ASPG: variants seen among roughly 807,000 people sequenced by gnomAD.
ASPG encodes the protein 60 kDa lysophospholipase.
In ASPG, 53 loss-of-function variants were observed where a neutral mutation model predicts 63.2. The ratio of observed to expected loss-of-function variants is 0.84; its 90% CI spans 0.67 to 1.05. The LOEUF is 1.05. Among genes scored for constraint, ASPG ranks in the 50% least tolerant of loss-of-function variants. The pLI is 0.00. For synonymous variants in ASPG, 370 were observed against 355.0 expected (o/e 1.04, Z -0.48); for missense variants, 741 against 794.4 (o/e 0.93, Z 0.81).
intron 14 of ASPG, 49 bp from the exon 15 acceptor site, chr14:104,111,871 C>A: frequency 6.6e-7 from 1 of 1,517,904 alleles, no homozygotes; most frequent in Admixed American, 2.0e-5. Context: ...TTGGGCCAGG[C>A]TGCTAGTCAG....
rs2037418958 is a variant in ASPG at position 104,112,869 on chromosome 14, TG to T, written c.*327del. ...TGTGAGCTGGGCAGGGTGGGGTGCA[TG>T]GACGTGACTTGGCCAAGTGGTCCTT... On this transcript the variant is annotated 3_prime_UTR_variant, in exon 16 of 16. Coordinates refer to ENST00000551177, the MANE Select transcript of ASPG (RefSeq NM_001080464.3). The T allele has an allele frequency of 2.3e-6, 1 of 436,720 alleles. No individual in the cohort carries two copies. The highest frequency in any genetic ancestry group is 2.0e-5 in the African/African-American group (1 of 49,868). 27.1% of individuals were successfully genotyped at this position (436,720 alleles called of 1,614,324 possible).
rs949965223 is a variant in ASPG at position 104,110,832 on chromosome 14, C to A, written c.1521-670C>A. 2.0e-6 allele frequency: 2 copies of A among 985,192 alleles called. No homozygotes were observed. Among genetic ancestry groups the A allele is most frequent in the African/African-American group, 1.7e-5 (1 of 57,172 alleles). 61.0% of individuals were successfully genotyped at this position (985,192 alleles called of 1,614,324 possible). A position where few individuals can be genotyped will look rare whatever the true frequency, so the allele number is the denominator to read the frequency against. ...GCCTGCTCCTGGCCTCCCCAGGTGG[C>A]GAGTGAGTTCTTCCCAGGAGGGTGG... On this transcript the variant is annotated intron_variant, in intron 13 of 15. Transcript: ENST00000551177. This position sits in a 1 kb window ranked among gnomAD's most constrained non-coding sequence, Gnocchi z 4.7.
intron 1 of ASPG, among the ~76,000 whole-genome samples, chr14:104,089,116 G>T (rs1612493): frequency 0.26 from 40,064 of 151,836 alleles, 6,543 homozygotes; most frequent in African/African-American, 0.44. Flanking sequence ...TGCCTCCCGG[G>T]TTCACACCAT....
At chr14:104,087,723 A>G (rs762639692) in intron 1 of ASPG, among the ~76,000 whole-genome samples, 15 of 152,118 alleles carry the variant, frequency 9.9e-5, no homozygotes, top group Non-Finnish European at 2.1e-4. Context: ...CTCAACATGT[A>G]GTTCTTGAGT....
chr14:104,099,606 T>G (rs1016158011), intron 6 of ASPG, among the ~76,000 whole-genome samples: 8 of 152,212 alleles, frequency 5.3e-5, no homozygotes, highest in African/African-American at 1.9e-4. Context: ...GGTGTGCTCC[T>G]GCTGAGGGAG....
Position 104,112,709 on chromosome 14 carries a change from A to T in ASPG, c.*165A>T. 1 of 1,474,852 alleles carries T rather than the reference A, an allele frequency of 6.8e-7. No homozygotes were observed. The highest frequency in any genetic ancestry group is 2.0e-5 in the Admixed American group (1 of 50,110). The allele number at this position is 1,474,852 out of a possible 1,614,324, so 91.4% of individuals were successfully genotyped here. A position where few individuals can be genotyped will look rare whatever the true frequency, so the allele number is the denominator to read the frequency against. On this transcript the variant is annotated 3_prime_UTR_variant, in exon 16 of 16. Coordinates refer to ENST00000551177, the MANE Select transcript of ASPG (RefSeq NM_001080464.3). ...GCAATAAAGTCTCTGACATCCCCTCACCAGGTCTGTACAGCCTGGCTCTGA... is the reference window on the plus strand; with the variant it reads ...GCAATAAAGTCTCTGACATCCCCTCTCCAGGTCTGTACAGCCTGGCTCTGA...
Position 104,113,219 on chromosome 14 carries a change from GAGCCCC to G in ASPG, c.*676_*681del, listed in dbSNP as rs2037424672. The G allele has an allele frequency of 6.4e-6, 1 of 155,552 alleles. No homozygotes were observed. Among genetic ancestry groups the G allele is most frequent in the Non-Finnish European group, 1.4e-5 (1 of 70,210 alleles). 9.6% of individuals were successfully genotyped at this position (155,552 alleles called of 1,614,324 possible). ...CAAGGGGGCTTCACACTCTGGTGGTGAGCCCCTGGGGACCATTCCAGCCCCTGCTCT... is the reference window on the plus strand; with the variant it reads ...CAAGGGGGCTTCACACTCTGGTGGTGTGGGGACCATTCCAGCCCCTGCTCT... On this transcript the variant is annotated 3_prime_UTR_variant, in exon 16 of 16. Coordinates refer to ENST00000551177, the MANE Select transcript of ASPG (RefSeq NM_001080464.3).
intron 1 of ASPG, 110 bp downstream of exon 1, chr14:104,085,962 T>A (rs917322905): frequency 4.9e-6 from 5 of 1,029,938 alleles, no homozygotes; most frequent in Non-Finnish European, 6.8e-6. Flanking sequence ...CGCGCCTGGA[T>A]GGGGGGTGCG....
rs577927964 is a variant in ASPG, at chr14:104,087,281, G to A, written c.82+1429G>A. ...TTCACAGCTTGGCAAACGCCCCTGT[G>A]TGACACTCCACTGACACAGAGTGAC... On this transcript the variant is annotated intron_variant, in intron 1 of 15. Transcript: ENST00000551177. Among the ~76,000 whole-genome samples the A allele has an allele frequency of 2.1e-4, 32 of 152,370 alleles. 1 individual carries two copies. Among genetic ancestry groups the A allele is most frequent in the African/African-American group, 7.5e-4 (31 of 41,588 alleles).
chr14:104,094,038 C>G (rs935492055), intron 3 of ASPG, among the ~76,000 whole-genome samples: 2 of 151,726 alleles, frequency 1.3e-5, no homozygotes, highest in African/African-American at 2.4e-5. Flanking sequence ...GGGGTGGAGT[C>G]GGCCTGCCCA....
intron 1 of ASPG, among the ~76,000 whole-genome samples, chr14:104,087,960 T>C (rs139225740): frequency 0.015 from 2,262 of 152,272 alleles, 31 homozygotes; most frequent in Non-Finnish European, 0.024. Context: ...CTGAGATCCC[T>C]TGGTGCTCTG....
intron 12 of ASPG, 135 bp downstream of exon 12, chr14:104,107,480 G>A (rs1274289390): frequency 1.1e-5 from 10 of 880,422 alleles, no homozygotes; most frequent in South Asian, 7.4e-5. Context: ...GGCTGCCCCC[G>A]CAGCCCGGGG....
At position 104,109,429 on chromosome 14, in the gene ASPG, G is replaced by A. The variant is rs1192738703; in HGVS notation, c.1520+114G>A. On this transcript the variant is annotated intron_variant, in intron 13 of 15. Transcript: ENST00000551177. This position sits in a 1 kb window ranked among gnomAD's most constrained non-coding sequence, Gnocchi z 4.8. ...AGTCAGGGTGTGGGGGCTTTCAGAG[G>A]CGAGGCCCGCTGACCTCAGTGTGCA... 7 of 1,200,380 alleles carry A rather than the reference G, an allele frequency of 5.8e-6. No individual in the cohort carries two copies. The highest frequency in any genetic ancestry group is 6.9e-6 in the Non-Finnish European group (6 of 870,388). 74.4% of individuals were successfully genotyped at this position (1,200,380 alleles called of 1,614,324 possible). A position where few individuals can be genotyped will look rare whatever the true frequency, so the allele number is the denominator to read the frequency against.
At chr14:104,105,740 C>T (rs2141038931) in intron 10 of ASPG, among the ~76,000 whole-genome samples, 2 of 152,328 alleles carry the variant, frequency 1.3e-5, no homozygotes, top group African/African-American at 4.8e-5. Flanking sequence ...GCTGCCTGTC[C>T]AGAAGAAGGG....
intron 1 of ASPG, among the ~76,000 whole-genome samples, chr14:104,092,285 C>A (rs572472152): frequency 1.1e-4 from 17 of 152,252 alleles, no homozygotes; most frequent in African/African-American, 2.4e-4. Flanking sequence ...GGCTGAGCCC[C>A]GTGGGCCTTG....
intron 3 of ASPG, among the ~76,000 whole-genome samples, chr14:104,094,536 G>C (rs2140991913): frequency 6.6e-6 from 1 of 152,124 alleles, no homozygotes; most frequent in Non-Finnish European, 1.5e-5. Flanking sequence ...CTAGTAGGGG[G>C]CCTCCTGCCC....
chr14:104,098,207 G>A (rs113649038), intron 5 of ASPG, among the ~76,000 whole-genome samples: 3 of 151,756 alleles, frequency 2.0e-5, no homozygotes, highest in Admixed American at 6.6e-5. Context: ...GAGGTTTTAC[G>A]TTAGAGATAC....
At position 104,092,743 on chromosome 14, in the gene ASPG, T is replaced by C. The variant is rs1196442367; in HGVS notation, c.191+2T>C. The C allele has an allele frequency of 6.5e-7, 1 of 1,534,822 alleles. No individual in the cohort carries two copies. The highest frequency in any genetic ancestry group is 2.4e-5 in the East Asian group (1 of 40,908). On this transcript the variant is annotated splice_donor_variant, in intron 2 of 15. Transcript: ENST00000551177. LOFTEE classifies it high-confidence loss of function. ...CTCTGAGGACACCCTGGTGCTACCGTGAGTGTGGGCTCCTCCCAGTCCCGG... is the reference window on the plus strand; with the variant it reads ...CTCTGAGGACACCCTGGTGCTACCGCGAGTGTGGGCTCCTCCCAGTCCCGG...
At chr14:104,106,978 T>C in intron 11 of ASPG, 84 bp downstream of exon 11, 1 of 1,404,944 alleles carries the variant, frequency 7.1e-7, no homozygotes, top group Non-Finnish European at 9.7e-7. Flanking sequence ...CGGCCTTTCA[T>C]CCACCCACTG....
Sources: gnomAD v4.1 joint callset for allele counts (sites outside exome capture counted in the v4.1 genomes callset) on GRCh38, gnomAD v4.1.1 for gene constraint, Gnocchi (gnomAD v3.1) non-coding constraint, MANE v1.5 for transcripts, NCBI Gene and HGNC (gene_info 2026-07-23, HGNC 2026-07-21) for gene names.